The following PPFIA1 variants were observed in gnomAD, a reference collection of about 807,000 sequenced individuals.
PPFIA1 encodes liprin-alpha-1.
In PPFIA1, 25 loss-of-function variants were observed where a neutral mutation model predicts 149.9. The observed-to-expected ratio is 0.17, with a 90% CI of 0.12 to 0.23. The LOEUF is 0.23. Ranked by LOEUF, PPFIA1 falls within the 10% of genes least tolerant of loss-of-function variation. The pLI, the probability that PPFIA1 is intolerant of heterozygous loss-of-function variation, is 1.00. For synonymous variants in PPFIA1, 549 were observed against 552.8 expected, an observed-to-expected ratio of 0.99 and a Z score of 0.10; for missense variants, 1,362 against 1,506.5, an observed-to-expected ratio of 0.90 and a Z score of 1.59.
At chr11:70,274,893 AT>A (rs762120369) in intron 2 of PPFIA1, among the ~76,000 whole-genome samples, 5 of 151,730 alleles carry the variant, frequency 3.3e-5, no homozygotes, top group African/African-American at 1.2e-4. Context: ...TAATTTTTGT[AT>A]TTTTTGTAGA....
intron 2 of PPFIA1, among the ~76,000 whole-genome samples, chr11:70,305,479 C>T (rs1352581645): frequency 6.6e-6 from 1 of 152,114 alleles, no homozygotes; most frequent in Admixed American, 6.6e-5. Context: ...TTAAGCGATC[C>T]TCTCACCACA....
chr11:70,353,764 G>A (rs2056203027), intron 16 of PPFIA1, among the ~76,000 whole-genome samples: 1 of 152,142 alleles, frequency 6.6e-6, no homozygotes, highest in African/African-American at 2.4e-5. Context: ...CATGTGTATG[G>A]GGGTCATGGG....
intron 2 of PPFIA1, among the ~76,000 whole-genome samples, chr11:70,286,508 C>T (rs1477338200): frequency 2.0e-5 from 3 of 152,168 alleles, no homozygotes; most frequent in South Asian, 2.1e-4. Context: ...TTCTTGGCCT[C>T]CCAAAGTGCT....
chr11:70,379,664 T>A (rs1408281638), intron 26 of PPFIA1, among the ~76,000 whole-genome samples: 1 of 152,080 alleles, frequency 6.6e-6, no homozygotes, highest in African/African-American at 2.4e-5. Context: ...TTTGCCAATT[T>A]TTTTTGTCAT....
At chr11:70,324,240 CTG>C (rs1471541509) in intron 2 of PPFIA1, among the ~76,000 whole-genome samples, 160 bp from the exon 3 acceptor site, 1 of 152,174 alleles carries the variant, frequency 6.6e-6, no homozygotes, top group Non-Finnish European at 1.5e-5. Flanking sequence ...GTTAGGGAAT[CTG>C]TGTGGTCCAT....
chr11:70,272,227 G>T lies in PPFIA1; in HGVS notation c.55G>T (p.Gly19Cys). 1 of 1,614,146 alleles carries T rather than the reference G, an allele frequency of 6.2e-7. No individual in the cohort carries two copies. ...CGAAGCAGAAGGCCCCCCTGGAGGA[G>T]GTGGAGGCCATGGTTCCGGCTCCCC... ...ISEAEGPPGG[G>C]GGHGSGSPSQ... Residue 19 changes from glycine (G) to cysteine (C), a missense_variant, in exon 2 of 28, where the codon GGT (glycine) becomes TGT (cysteine). Physicochemically the swap from Gly to Cys is radical, Grantham distance 159. Around this residue, in one of 7 missense-constraint regions of PPFIA1, gnomAD observed 100 missense variants for 106.2 expected, o/e 0.94. Transcript: ENST00000253925.
intron 2 of PPFIA1, among the ~76,000 whole-genome samples, chr11:70,280,523 C>G (rs2050692071): frequency 6.6e-6 from 1 of 152,102 alleles, no homozygotes; most frequent in African/African-American, 2.4e-5. Flanking sequence ...GAGCCAAGAT[C>G]ACGCCATTGC....
intron 26 of PPFIA1, among the ~76,000 whole-genome samples, chr11:70,381,815 C>T (rs1416071851): frequency 6.6e-6 from 1 of 152,222 alleles, no homozygotes; most frequent in Non-Finnish European, 1.5e-5. Context: ...TGCAGATGTA[C>T]ATTTTGAAAT....
chr11:70,356,248 A>G lies in PPFIA1; in HGVS notation c.2576A>G (p.Gln859Arg), dbSNP rs1591325033. The change falls in exon 19 of 28, where the codon CAA becomes CGA. Residue 859 changes from glutamine to arginine, a missense_variant. By Grantham distance (43) the Gln-to-Arg change is conservative. Coordinates refer to ENST00000253925, the MANE Select transcript of PPFIA1 (RefSeq NM_003626.5). Reference sequence around the variant, plus strand: ...CAGGCTGAAAAAAATCGTAAACTTCAAAAAAAGTAAGCTTTGTGTTATTTC... The same window carrying G: ...CAGGCTGAAAAAAATCGTAAACTTCGAAAAAAGTAAGCTTTGTGTTATTTC... Reference protein sequence around the residue: ...GGQAEKNRKLQKKHELLEEAR... With the variant: ...GGQAEKNRKLRKKHELLEEAR... 6.2e-7 allele frequency: 1 copy of G among 1,610,782 alleles called. No homozygotes were observed.
At chr11:70,331,291 C>T (rs545953469) in intron 8 of PPFIA1, among the ~76,000 whole-genome samples, 5 of 151,524 alleles carry the variant, frequency 3.3e-5, no homozygotes, top group Admixed American at 2.6e-4. Flanking sequence ...CCTGTGGTTT[C>T]GTAAACCATA....
At chr11:70,337,699 C>A (rs1035094609) in intron 12 of PPFIA1, among the ~76,000 whole-genome samples, 5 of 152,156 alleles carry the variant, frequency 3.3e-5, no homozygotes, top group Non-Finnish European at 4.4e-5. Flanking sequence ...TGCTGTCCAA[C>A]AGAAATATAA....
chr11:70,292,485 C>G (rs551840090), intron 2 of PPFIA1, among the ~76,000 whole-genome samples: 7 of 152,324 alleles, frequency 4.6e-5, no homozygotes, highest in African/African-American at 1.7e-4. Context: ...TTGTCACGTT[C>G]CCTCATCACT....
intron 2 of PPFIA1, among the ~76,000 whole-genome samples, chr11:70,294,356 G>C (rs1444722990): frequency 6.6e-6 from 1 of 152,140 alleles, no homozygotes; most frequent in Admixed American, 6.5e-5. Flanking sequence ...GTTGGCGAGG[G>C]TCAAAGGAGA....
chr11:70,284,655 G>A (rs1014497722), intron 2 of PPFIA1, among the ~76,000 whole-genome samples: 4 of 152,242 alleles, frequency 2.6e-5, no homozygotes, highest in African/African-American at 9.6e-5. Flanking sequence ...GTCCAGAAAG[G>A]TGAGGCTTTC....
At chr11:70,349,075 GT>G (rs1477502976) in intron 16 of PPFIA1, among the ~76,000 whole-genome samples, 1 of 149,908 alleles carries the variant, frequency 6.7e-6, no homozygotes, top group African/African-American at 2.4e-5. Context: ...AATGCACAAA[GT>G]GGGTCAGTGC....
intron 17 of PPFIA1, 69 bp from the exon 18 acceptor site, chr11:70,355,570 T>A (rs1015395857): frequency 1.0e-5 from 15 of 1,431,178 alleles, no homozygotes; most frequent in Non-Finnish European, 1.4e-5. Context: ...TGTAGGGAAG[T>A]TTGCGACTGT....
chr11:70,367,111 A>T (rs953158542), intron 21 of PPFIA1, among the ~76,000 whole-genome samples: 5 of 152,260 alleles, frequency 3.3e-5, no homozygotes, highest in Admixed American at 3.3e-4. Context: ...TGCCTGAGTC[A>T]GGGACAGGAA....
At chr11:70,342,758 G>A (rs1360798204) in intron 14 of PPFIA1, among the ~76,000 whole-genome samples, 2 of 151,928 alleles carry the variant, frequency 1.3e-5, no homozygotes, top group Non-Finnish European at 2.9e-5. Flanking sequence ...TTGGAGTAAG[G>A]TGTATTTTTT....
chr11:70,324,652 T>C, intron 3 of PPFIA1, 149 bp downstream of exon 3: 1 of 868,910 alleles, frequency 1.2e-6, no homozygotes, highest in Non-Finnish European at 1.8e-6. Flanking sequence ...TTAGTCAGCA[T>C]GATCACACAT....
Sources: gnomAD v4.1 joint callset for allele counts (sites outside exome capture counted in the v4.1 genomes callset) on GRCh38, gnomAD v4.1.1 for gene constraint, gnomAD v4.1.1 regional missense constraint, MANE v1.5 for transcripts, NCBI Gene and HGNC (gene_info 2026-07-23, HGNC 2026-07-21) for gene names.